The following SCN3A variants were observed in gnomAD, a reference collection of about 807,000 sequenced individuals.
SCN3A encodes the protein sodium channel protein type 3 subunit alpha.
A neutral mutation model predicts 187.6 loss-of-function variants in SCN3A; 60 were observed. The observed-to-expected ratio is 0.32, with a 90% confidence interval of 0.26 to 0.40. The LOEUF (loss-of-function observed/expected upper bound fraction) is 0.40, where lower values mean the gene tolerates loss of function less well. SCN3A is among the 10% of genes least tolerant of loss of function. The pLI, the probability that SCN3A is intolerant of heterozygous loss-of-function variation, is 1.00. For synonymous variants in SCN3A, 788 were observed against 829.2 expected (o/e 0.95, Z 0.85); for missense variants, 1,601 against 2,428.2 (o/e 0.66, Z 7.16).
At chr2:165,179,706 G>A (rs1351997593) in intron 2 of SCN3A, 2 of 152,202 alleles carry the variant, frequency 1.3e-5, no homozygotes, top group Non-Finnish European at 2.9e-5. Flanking sequence ...AAGAGAATTA[G>A]GGTTTGCCCA....
chr2:165,109,969 C>T (rs746636366), intron 21 of SCN3A, among the ~76,000 whole-genome samples: 13 of 151,992 alleles, frequency 8.6e-5, no homozygotes, highest in African/African-American at 2.4e-4. Flanking sequence ...CCACTTCAAG[C>T]GCTTCTGCTT....
At position 165,089,833 on chromosome 2, in the gene SCN3A, G is replaced by C. The variant is rs938741119; in HGVS notation, c.*317C>G. ...AAGTTAAAAATAGAATGGATGCAAG[G>C]ACTGTACTAAAGGTGTTTGGTGTAG... is the stretch of plus-strand genomic sequence containing the variant. On this transcript the variant is annotated 3_prime_UTR_variant, in exon 28 of 28. Transcript: ENST00000283254. The C allele has an allele frequency of 2.4e-5, 7 of 287,292 alleles. No homozygotes were observed. The South Asian group carries it at 3.5e-4, about 14-fold the overall frequency. 17.8% of individuals were successfully genotyped at this position (287,292 alleles called of 1,614,324 possible).
chr2:165,099,640 C>G (rs1018215700), intron 22 of SCN3A, among the ~76,000 whole-genome samples: 1 of 152,044 alleles, frequency 6.6e-6, no homozygotes, highest in African/African-American at 2.4e-5. Flanking sequence ...TGGCGTGAAC[C>G]CGGGAGGCGG....
rs778126803 is a variant in SCN3A at position 165,130,153 on chromosome 2, G to A, written c.2709C>T (p.Leu903=). The A allele has an allele frequency of 1.2e-6, 2 of 1,614,110 alleles. No homozygotes were observed. Among genetic ancestry groups the A allele is most frequent in the Non-Finnish European group, 8.5e-7 (1 of 1,180,016 alleles). ...VFIFAVVGMQ[L]FGKSYKECVC... is the part of the protein sequence containing the mutation. ...CACATTCTTTGTAGCTCTTACCAAA[G>A]AGCTGCATGCCGACCACAGCAAAAA... The change falls in exon 17 of 28, where the codon CTC becomes CTT. Residue 903 remains leucine, a synonymous_variant. Coordinates refer to ENST00000283254, the MANE Select transcript of SCN3A (RefSeq NM_006922.4).
intron 11 of SCN3A, among the ~76,000 whole-genome samples, chr2:165,154,191 G>T: frequency 6.6e-6 from 1 of 151,394 alleles, no homozygotes. Flanking sequence ...CCTCTCTTAG[G>T]TTCTATGAGA....
intron 21 of SCN3A, among the ~76,000 whole-genome samples, chr2:165,103,256 C>T (rs1176346090): frequency 6.6e-6 from 1 of 152,142 alleles, no homozygotes; most frequent in Admixed American, 6.5e-5. Flanking sequence ...CTTTACAATT[C>T]ACAGTGACCT....
At chr2:165,157,146 G>A (rs988857179) in intron 9 of SCN3A, among the ~76,000 whole-genome samples, 4 of 151,998 alleles carry the variant, frequency 2.6e-5, no homozygotes, top group Admixed American at 6.6e-5. Flanking sequence ...TCCTGACCTC[G>A]TGATCCGCCT....
At position 165,140,109 on chromosome 2, in the gene SCN3A, G is replaced by C. The variant is rs1687915024; in HGVS notation, c.2020-501C>G. ...CAAACACAGATGTACGATGAAATGT[G>C]TGTGCTTTCCTGAAATTTCTTTAAT... On this transcript the variant is annotated intron_variant, in intron 13 of 27. Transcript: ENST00000283254. This position sits in a 1 kb window ranked among gnomAD's most constrained non-coding sequence, Gnocchi z 4.2. Among the ~76,000 whole-genome samples, 1 of 152,066 alleles carries C rather than the reference G, an allele frequency of 6.6e-6. No homozygotes were observed. Among genetic ancestry groups the C allele is most frequent in the African/African-American group, 2.4e-5 (1 of 41,414 alleles).
chr2:165,151,896 A>G (rs577965269), intron 11 of SCN3A, among the ~76,000 whole-genome samples: 4 of 152,266 alleles, frequency 2.6e-5, no homozygotes, highest in South Asian at 4.1e-4. Context: ...ACACTGGCAA[A>G]CACTTCGTTT....
intron 1 of SCN3A, among the ~76,000 whole-genome samples, chr2:165,192,567 G>T (rs1199629646): frequency 6.6e-6 from 1 of 152,024 alleles, no homozygotes; most frequent in African/African-American, 2.4e-5. Flanking sequence ...ATTAATCAAA[G>T]CCTCTCTACA....
At chr2:165,108,969 T>C (rs1685986861) in intron 21 of SCN3A, among the ~76,000 whole-genome samples, 1 of 152,148 alleles carries the variant, frequency 6.6e-6, no homozygotes, top group African/African-American at 2.4e-5. Context: ...TTATTTTCTG[T>C]CATCCACAAC....
chr2:165,130,913 A>G (rs1177785927), intron 16 of SCN3A, among the ~76,000 whole-genome samples: 1 of 152,098 alleles, frequency 6.6e-6, no homozygotes. Flanking sequence ...GTTAATAAAA[A>G]GCTAAAATTA....
At position 165,140,862 on chromosome 2, in the gene SCN3A, T is replaced by C; in HGVS notation, c.1808A>G (p.Asp603Gly). 6.2e-7 allele frequency: 1 copy of C among 1,614,130 alleles called. No individual in the cohort carries two copies. Among genetic ancestry groups the C allele is most frequent in the East Asian group, 2.2e-5 (1 of 44,874 alleles). ...CAGTGAGTCTCTCCTGCTTTCGCTG[T>C]CTTCAAATGTGCTGTGTTCATCATC... ...FADDEHSTFE[D>G]SESRRDSLFV... Residue 603 changes from aspartate (D) to glycine (G), a missense_variant, in exon 13 of 28, where the codon GAC becomes GGC. Coordinates refer to ENST00000283254, the MANE Select transcript of SCN3A (RefSeq NM_006922.4). The surrounding 1 kb of genome is among the most constrained non-coding windows in gnomAD (Gnocchi z 4.2).
intron 4 of SCN3A, among the ~76,000 whole-genome samples, chr2:165,169,325 C>T (rs991795590): frequency 6.6e-6 from 1 of 151,886 alleles, no homozygotes; most frequent in African/African-American, 2.4e-5. Flanking sequence ...TACTCCTTTA[C>T]AATTTATAGC....
intron 1 of SCN3A, among the ~76,000 whole-genome samples, chr2:165,197,543 G>A (rs1264913428): frequency 6.8e-6 from 1 of 146,940 alleles, no homozygotes; most frequent in Admixed American, 6.8e-5. Flanking sequence ...ACCCCTTTTT[G>A]TTTTCTTTCA....
At chr2:165,201,315 G>C (rs1432209554) in intron 1 of SCN3A, among the ~76,000 whole-genome samples, 3 of 152,046 alleles carry the variant, frequency 2.0e-5, no homozygotes, top group Non-Finnish European at 2.9e-5. Context: ...CATCCTTCCA[G>C]GATGAGAATT....
Position 165,092,713 on chromosome 2 carries a change from C to T in SCN3A, c.4537-189G>A. The T allele has an allele frequency of 1.6e-6, 1 of 608,090 alleles. No individual in the cohort carries two copies. Among genetic ancestry groups the T allele is most frequent in the Admixed American group, 3.0e-5 (1 of 33,758 alleles). The allele number at this position is 608,090 out of a possible 1,614,324, so 37.7% of individuals were successfully genotyped here. A position where few individuals can be genotyped will look rare whatever the true frequency, so the allele number is the denominator to read the frequency against. On this transcript the variant is annotated intron_variant, in intron 26 of 27. Transcript: ENST00000283254. This position sits in a 1 kb window ranked among gnomAD's most constrained non-coding sequence, Gnocchi z 4.2. ...TGGAAAAAAAATTTATATAGCTAAA[C>T]AAAGCATATTTGGTTTATATAGGTC...
chr2:165,174,930 G>T (rs1690354635), intron 3 of SCN3A, among the ~76,000 whole-genome samples: 1 of 152,190 alleles, frequency 6.6e-6, no homozygotes, highest in Admixed American at 6.5e-5. Flanking sequence ...TATTCAAAGT[G>T]TGGCCATGTA....
intron 22 of SCN3A, among the ~76,000 whole-genome samples, chr2:165,098,353 A>G (rs1164916270): frequency 6.6e-6 from 1 of 152,260 alleles, no homozygotes; most frequent in Non-Finnish European, 1.5e-5. Context: ...GTTAAATAAA[A>G]GTATTGTTTT....
Sources: allele counts gnomAD v4.1 joint callset (sites outside exome capture counted in the v4.1 genomes callset), GRCh38; gene constraint gnomAD v4.1.1; non-coding constraint Gnocchi (gnomAD v3.1); transcripts MANE v1.5; gene names NCBI Gene and HGNC (gene_info 2026-07-23, HGNC 2026-07-21).